The following KCNIP4 variants were observed in gnomAD, a reference collection of about 807,000 sequenced individuals.
KCNIP4 encodes the protein Kv channel-interacting protein 4.
Under a neutral mutation model 34.0 loss-of-function variants are expected in KCNIP4, and 12 were observed. The observed-to-expected ratio is 0.35, with a 90% CI of 0.23 to 0.57. KCNIP4 has a LOEUF of 0.57. KCNIP4 is among the 20% of genes least tolerant of loss of function. The pLI, the probability that KCNIP4 is intolerant of heterozygous loss-of-function variation, is 0.83. For synonymous variants in KCNIP4, 124 were observed against 102.2 expected (o/e 1.21, Z -1.29); for missense variants, 238 against 311.7 (o/e 0.76, Z 1.78).
chr4:21,012,224 T>C (rs1560644458), intron 1 of KCNIP4, among the ~76,000 whole-genome samples: 1 of 152,058 alleles, frequency 6.6e-6, no homozygotes, highest in Admixed American at 6.6e-5. Flanking sequence ...TCAATAAACA[T>C]TTGAATATAA....
At chr4:21,753,454 C>T (rs1374226444) in intron 1 of KCNIP4, among the ~76,000 whole-genome samples, 1 of 152,146 alleles carries the variant, frequency 6.6e-6, no homozygotes, top group Non-Finnish European at 1.5e-5. Context: ...TCTCATGCCT[C>T]AGGCAGAGTT....
chr4:20,988,920 A>G (rs1355171357), intron 1 of KCNIP4, among the ~76,000 whole-genome samples: 1 of 152,250 alleles, frequency 6.6e-6, no homozygotes, highest in East Asian at 1.9e-4. Context: ...CTGGGCAGAA[A>G]GTCGGCACCA....
chr4:21,003,684 G>C (rs1738323578), intron 1 of KCNIP4, among the ~76,000 whole-genome samples: 1 of 152,168 alleles, frequency 6.6e-6, no homozygotes, highest in Non-Finnish European at 1.5e-5. Flanking sequence ...TGGTTGGAAT[G>C]TATCTTACTG....
At chr4:20,836,201 C>T (rs1719022021) in intron 3 of KCNIP4, among the ~76,000 whole-genome samples, 1 of 152,180 alleles carries the variant, frequency 6.6e-6, no homozygotes, top group African/African-American at 2.4e-5. Flanking sequence ...CCTGGCTGGT[C>T]TCATCTTATA....
intron 1 of KCNIP4, among the ~76,000 whole-genome samples, chr4:21,442,348 A>G (rs1727561085): frequency 6.6e-6 from 1 of 152,204 alleles, no homozygotes; most frequent in Non-Finnish European, 1.5e-5. Flanking sequence ...GGGGTAATCA[A>G]AATCAGTTAG....
intron 1 of KCNIP4, among the ~76,000 whole-genome samples, chr4:21,454,803 C>T (rs188913801): frequency 1.7e-4 from 26 of 152,140 alleles, no homozygotes; most frequent in Non-Finnish European, 3.1e-4. Flanking sequence ...GGATATAGCA[C>T]CACTAAAAAA....
At chr4:21,136,709 C>G (rs753987608) in intron 1 of KCNIP4, among the ~76,000 whole-genome samples, 1 of 152,098 alleles carries the variant, frequency 6.6e-6, no homozygotes, top group Non-Finnish European at 1.5e-5. Context: ...TCATCAAGTT[C>G]CATACTACTG....
intron 1 of KCNIP4, among the ~76,000 whole-genome samples, chr4:20,936,517 C>G (rs541899686): frequency 5.2e-4 from 79 of 151,902 alleles, no homozygotes; most frequent in South Asian, 4.2e-3. Flanking sequence ...TTTACTCCTT[C>G]TACAAGTACT....
chr4:21,256,169 A>G (rs1433542690), intron 1 of KCNIP4, among the ~76,000 whole-genome samples: 3 of 152,224 alleles, frequency 2.0e-5, no homozygotes. Flanking sequence ...AAATGATGAC[A>G]AGAAGAATCA....
At chr4:21,156,507 A>G (rs1480841848) in intron 1 of KCNIP4, among the ~76,000 whole-genome samples, 1 of 152,180 alleles carries the variant, frequency 6.6e-6, no homozygotes, top group Non-Finnish European at 1.5e-5. Flanking sequence ...AACACATGTA[A>G]AACTGTGACA....
At chr4:21,461,157 C>T (rs1044719648) in intron 1 of KCNIP4, among the ~76,000 whole-genome samples, 7 of 151,902 alleles carry the variant, frequency 4.6e-5, no homozygotes, top group Non-Finnish European at 8.8e-5. Flanking sequence ...TGCCCTAGTG[C>T]TGTGTCCTGA....
intron 1 of KCNIP4, among the ~76,000 whole-genome samples, chr4:21,337,193 G>A (rs983693550): frequency 1.3e-5 from 2 of 152,134 alleles, no homozygotes; most frequent in South Asian, 2.1e-4. Context: ...AAGCGGAGAA[G>A]ATGAGGCCAG....
At chr4:21,365,782 T>G (rs1337778173) in intron 1 of KCNIP4, among the ~76,000 whole-genome samples, 3 of 152,138 alleles carry the variant, frequency 2.0e-5, no homozygotes, top group Non-Finnish European at 2.9e-5. Flanking sequence ...AAGCCTGAGA[T>G]CAGGATGATA....
Position 21,455,993 on chromosome 4 carries a change from C to G in KCNIP4, c.61+492578G>C, listed in dbSNP as rs1022485115. ...AAACTCAAATATTTTAATTCTATAT[C>G]TAGTCCTCCTTCCATCGTATTTCTC... On this transcript the variant is annotated intron_variant, in intron 1 of 8. Coordinates refer to ENST00000382152, the MANE Select transcript of KCNIP4 (RefSeq NM_025221.6). Among the ~76,000 whole-genome samples, 73 of 145,328 alleles carry G rather than the reference C, an allele frequency of 5.0e-4. 1 individual carries two copies. Among genetic ancestry groups the G allele is most frequent in the Non-Finnish European group, 1.0e-4 (7 of 67,298 alleles).
rs1390807515 is a variant in KCNIP4 at position 21,108,287 on chromosome 4, G to C, written c.62-225578C>G. Among the ~76,000 whole-genome samples, 3 of 135,838 alleles carry C rather than the reference G, an allele frequency of 2.2e-5. No individual in the cohort carries two copies. The East Asian group carries it at 6.1e-4, about 27-fold the overall frequency. The allele number at this position is 135,838 out of a possible 152,430, so 89.1% of individuals were successfully genotyped here. On this transcript the variant is annotated intron_variant, in intron 1 of 8. Transcript: ENST00000382152. ...TCACGTAGTCCCATATTTCTTGGAG[G>C]CTTTGCTCGTTTCTTTTTATTTTTT... is the stretch of plus-strand genomic sequence containing the variant.
At chr4:20,893,942 G>T (rs138847727) in intron 1 of KCNIP4, among the ~76,000 whole-genome samples, 1 of 152,030 alleles carries the variant, frequency 6.6e-6, no homozygotes, top group East Asian at 1.9e-4. Context: ...GTACAGTGGT[G>T]TGATCTGGGC....
At chr4:21,181,511 T>C (rs1259126151) in intron 1 of KCNIP4, among the ~76,000 whole-genome samples, 4 of 152,116 alleles carry the variant, frequency 2.6e-5, no homozygotes, top group Admixed American at 2.6e-4. Flanking sequence ...CATACGTTCA[T>C]GCATCCATCC....
intron 1 of KCNIP4, among the ~76,000 whole-genome samples, chr4:21,479,620 T>C (rs1193117776): frequency 6.6e-6 from 1 of 152,060 alleles, no homozygotes; most frequent in Non-Finnish European, 1.5e-5. Context: ...TCAACATCAT[T>C]GTCATACAAA....
chr4:21,904,731 CAT>C (rs1727897436), intron 1 of KCNIP4, among the ~76,000 whole-genome samples: 1 of 152,078 alleles, frequency 6.6e-6, no homozygotes, highest in Non-Finnish European at 1.5e-5. Flanking sequence ...TGGATGAAAT[CAT>C]TTTTTGTGGT....
Sources: allele counts gnomAD v4.1 joint callset (sites outside exome capture counted in the v4.1 genomes callset), GRCh38; gene constraint gnomAD v4.1.1; transcripts MANE v1.5; gene names NCBI Gene and HGNC (gene_info 2026-07-23, HGNC 2026-07-21).